The following OMA1 variants were observed in gnomAD, a reference collection of about 807,000 sequenced individuals.
OMA1 encodes metalloendopeptidase OMA1, mitochondrial.
OMA1 carries 38 observed loss-of-function variants against 30.9 expected under a neutral mutation model. The observed-to-expected ratio is 1.23, with a 90% confidence interval of 0.95 to 1.61. OMA1 has a LOEUF of 1.61. Ranked by LOEUF, OMA1 falls within the 40% of genes most tolerant of loss-of-function variation. OMA1 has a pLI of 0.00. For synonymous variants in OMA1, 173 were observed against 121.9 expected, an observed-to-expected ratio of 1.42 and a Z score of -2.76; for missense variants, 461 against 349.2, an observed-to-expected ratio of 1.32 and a Z score of -2.55.
chr1:58,482,694 G>A (rs1645509136), intron 8 of OMA1, among the ~76,000 whole-genome samples: 1 of 152,048 alleles, frequency 6.6e-6, no homozygotes, highest in Non-Finnish European at 1.5e-5. Context: ...GTCAAGAGGG[G>A]GACAGACCTG....
intron 7 of OMA1, among the ~76,000 whole-genome samples, chr1:58,515,466 A>G (rs190313871): frequency 1.6e-4 from 24 of 152,302 alleles, no homozygotes; most frequent in Middle Eastern, 3.4e-3. Context: ...CCTCTATCTT[A>G]GGTAAAGTTT....
At chr1:58,506,507 C>T (rs532183544) in intron 7 of OMA1, among the ~76,000 whole-genome samples, 33 of 152,108 alleles carry the variant, frequency 2.2e-4, no homozygotes, top group African/African-American at 8.0e-4. Flanking sequence ...AGAAAAAGAC[C>T]CACCTCAAAC....
intron 7 of OMA1, among the ~76,000 whole-genome samples, chr1:58,510,161 T>C (rs1646051780): frequency 6.6e-6 from 1 of 151,864 alleles, no homozygotes; most frequent in African/African-American, 2.4e-5. Flanking sequence ...CCCTGATACC[T>C]ATGCCAAAGA....
intron 8 of OMA1, among the ~76,000 whole-genome samples, chr1:58,491,245 A>G (rs1172603375): frequency 6.6e-6 from 1 of 152,212 alleles, no homozygotes; most frequent in African/African-American, 2.4e-5. Flanking sequence ...GGCCTGCCCT[A>G]CAAGAGCTCC....
At chr1:58,545,355 A>G (rs2100507648) in intron 1 of OMA1, among the ~76,000 whole-genome samples, 1 of 152,334 alleles carries the variant, frequency 6.6e-6, no homozygotes, top group South Asian at 2.1e-4. Flanking sequence ...AACCATTATC[A>G]TTTCTATCAC....
chr1:58,504,833 C>T (rs1645961660), intron 8 of OMA1, among the ~76,000 whole-genome samples: 1 of 152,192 alleles, frequency 6.6e-6, no homozygotes, highest in African/African-American at 2.4e-5. Flanking sequence ...TTTATCTTAG[C>T]ATCCTGTAAA....
chr1:58,486,164 T>C (rs764430877), intron 8 of OMA1, among the ~76,000 whole-genome samples: 5 of 152,168 alleles, frequency 3.3e-5, no homozygotes, highest in Admixed American at 6.6e-5. Flanking sequence ...ATCATTAAAA[T>C]GTCTATGCCA....
intron 8 of OMA1, among the ~76,000 whole-genome samples, chr1:58,500,590 G>A (rs1370750865): frequency 6.6e-6 from 1 of 152,116 alleles, no homozygotes; most frequent in Non-Finnish European, 1.5e-5. Flanking sequence ...AAGTGAATTT[G>A]ATAAAGATTT....
intron 7 of OMA1, among the ~76,000 whole-genome samples, chr1:58,514,279 G>A (rs1452990866): frequency 1.3e-5 from 2 of 152,116 alleles, no homozygotes; most frequent in Non-Finnish European, 2.9e-5. Flanking sequence ...AGTGGGATAT[G>A]ATATTCATAA....
intron 8 of OMA1, among the ~76,000 whole-genome samples, chr1:58,485,794 A>C (rs942938275): frequency 6.6e-6 from 1 of 152,170 alleles, no homozygotes; most frequent in South Asian, 2.1e-4. Context: ...AACTCCACGC[A>C]CTGCACATAA....
At chr1:58,510,033 C>A (rs904657753) in intron 7 of OMA1, among the ~76,000 whole-genome samples, 1 of 152,004 alleles carries the variant, frequency 6.6e-6, no homozygotes, top group Non-Finnish European at 1.5e-5. Flanking sequence ...ACCAGATGAC[C>A]TCACTGGTGA....
At chr1:58,516,834 C>A (rs1646164914) in intron 7 of OMA1, among the ~76,000 whole-genome samples, 1 of 152,132 alleles carries the variant, frequency 6.6e-6, no homozygotes, top group African/African-American at 2.4e-5. Flanking sequence ...ACAGAGATAA[C>A]TACAGCTGCC....
intron 8 of OMA1, among the ~76,000 whole-genome samples, chr1:58,492,849 T>G (rs1168403124): frequency 1.3e-5 from 2 of 152,208 alleles, no homozygotes; most frequent in African/African-American, 2.4e-5. Flanking sequence ...AAGAAGGAGC[T>G]GGTACCATTC....
At chr1:58,540,179 GAA>G (rs1457167738) in intron 1 of OMA1, among the ~76,000 whole-genome samples, 1 of 151,794 alleles carries the variant, frequency 6.6e-6, no homozygotes, top group Non-Finnish European at 1.5e-5. Flanking sequence ...CAACATTAGA[GAA>G]AGATTAGTCT....
At chr1:58,544,170 T>C (rs983803495) in intron 1 of OMA1, among the ~76,000 whole-genome samples, 1 of 152,238 alleles carries the variant, frequency 6.6e-6, no homozygotes, top group Non-Finnish European at 1.5e-5. Flanking sequence ...GTGAAATTTA[T>C]CAATTTTTAA....
intron 6 of OMA1, among the ~76,000 whole-genome samples, chr1:58,530,092 A>C (rs1024345148): frequency 2.0e-5 from 3 of 152,188 alleles, no homozygotes; most frequent in African/African-American, 7.2e-5. Context: ...CACGTTAGCC[A>C]GGATGGTCTC....
At chr1:58,531,726 TTG>T (rs1491072666) in intron 5 of OMA1, among the ~76,000 whole-genome samples, 3 of 148,490 alleles carry the variant, frequency 2.0e-5, no homozygotes, top group Admixed American at 1.3e-4. Context: ...CTTTTTTTTT[TTG>T]AGACAGAGTC....
intron 5 of OMA1, among the ~76,000 whole-genome samples, chr1:58,531,747 T>C (rs1409498664): frequency 6.6e-6 from 1 of 152,146 alleles, no homozygotes; most frequent in African/African-American, 2.4e-5. Context: ...TCTTGCCCTG[T>C]TGCCCAAGCT....
chr1:58,517,821 T>A (rs1171689883), intron 7 of OMA1, among the ~76,000 whole-genome samples: 2 of 151,832 alleles, frequency 1.3e-5, no homozygotes, highest in Non-Finnish European at 2.9e-5. Flanking sequence ...AAGTAGGGGA[T>A]TGGTCAGGTG....
Sources: gnomAD v4.1 joint callset for allele counts (sites outside exome capture counted in the v4.1 genomes callset) on GRCh38, gnomAD v4.1.1 for gene constraint, MANE v1.5 for transcripts, NCBI Gene and HGNC (gene_info 2026-07-23, HGNC 2026-07-21) for gene names.